MBD5: variants seen among roughly 807,000 people sequenced by gnomAD.
MBD5 encodes the protein methyl-CpG-binding domain protein 5.
A neutral mutation model predicts 117.3 loss-of-function variants in MBD5; 13 were observed. The observed-to-expected ratio is 0.11, with a 90% CI of 0.07 to 0.18. The LOEUF (loss-of-function observed/expected upper bound fraction) is 0.18, where lower values mean the gene tolerates loss of function less well. Ranked by LOEUF, MBD5 falls within the 10% of genes least tolerant of loss-of-function variation. The pLI, the probability that MBD5 is intolerant of heterozygous loss-of-function variation, is 1.00. For synonymous variants in MBD5, 727 were observed against 766.4 expected (o/e 0.95, Z 0.85); for missense variants, 1,879 against 2,093.8 (o/e 0.90, Z 2.00).
At chr2:148,413,169 A>G (rs1351166114) in intron 4 of MBD5, among the ~76,000 whole-genome samples, 1 of 152,088 alleles carries the variant, frequency 6.6e-6, no homozygotes, top group Non-Finnish European at 1.5e-5. Context: ...GTTTTTTAAC[A>G]TAAAAGATGT....
chr2:148,394,031 C>T (rs1704635448), intron 4 of MBD5, among the ~76,000 whole-genome samples: 1 of 152,162 alleles, frequency 6.6e-6, no homozygotes, highest in Admixed American at 6.5e-5. Context: ...GTACTTTTTA[C>T]TGCTTTATGT....
chr2:148,113,416 T>C (rs538342297), intron 1 of MBD5, among the ~76,000 whole-genome samples: 1 of 152,346 alleles, frequency 6.6e-6, no homozygotes, highest in African/African-American at 2.4e-5. Flanking sequence ...TTTTGGCATT[T>C]ACTGTTAACA....
At chr2:148,362,029 G>C (rs914406102) in intron 4 of MBD5, among the ~76,000 whole-genome samples, 9 of 152,270 alleles carry the variant, frequency 5.9e-5, no homozygotes, top group African/African-American at 2.2e-4. Context: ...ACACCACCAG[G>C]GCCCTGGGTT....
At chr2:148,208,850 A>G (rs1699348764) in intron 2 of MBD5, among the ~76,000 whole-genome samples, 1 of 152,154 alleles carries the variant, frequency 6.6e-6, no homozygotes, top group Non-Finnish European at 1.5e-5. Flanking sequence ...TATAAAATGA[A>G]TAGAAATAGT....
intron 2 of MBD5, among the ~76,000 whole-genome samples, chr2:148,228,341 G>C (rs1313543256): frequency 1.3e-5 from 2 of 152,066 alleles, no homozygotes; most frequent in Non-Finnish European, 2.9e-5. Flanking sequence ...ATTTTGTCAA[G>C]GGCCTTTTCT....
At chr2:148,065,790 G>A (rs137900042) in intron 1 of MBD5, among the ~76,000 whole-genome samples, 308 of 152,266 alleles carry the variant, frequency 2.0e-3, no homozygotes, top group African/African-American at 7.0e-3. Context: ...AGCCTTATGT[G>A]AACTTTCTTA....
intron 3 of MBD5, among the ~76,000 whole-genome samples, chr2:148,332,883 G>C (rs1423159131): frequency 6.6e-6 from 1 of 151,056 alleles, no homozygotes; most frequent in Non-Finnish European, 1.5e-5. Context: ...TTATTTTCTT[G>C]GTTCTCTCCT....
intron 1 of MBD5, among the ~76,000 whole-genome samples, chr2:148,045,375 T>A (rs528216908): frequency 3.9e-5 from 6 of 152,310 alleles, no homozygotes; most frequent in Non-Finnish European, 8.8e-5. Context: ...AACATTACTT[T>A]AAAATATAAC....
intron 1 of MBD5, among the ~76,000 whole-genome samples, chr2:148,109,249 T>TACCCTAGCCTGGGCAACAGAGTG (rs1696449496): frequency 6.6e-6 from 1 of 152,070 alleles, no homozygotes; most frequent in Non-Finnish European, 1.5e-5. Context: ...TGCACCGCTG[T>TACCCTAGCCTGGGCAACAGAGTG]ACCCTAGCCT....
chr2:148,441,866 G>A (rs1706335797), intron 4 of MBD5, among the ~76,000 whole-genome samples: 1 of 152,082 alleles, frequency 6.6e-6, no homozygotes, highest in Non-Finnish European at 1.5e-5. Flanking sequence ...GTGATGATGA[G>A]TATTTTTTCA....
intron 1 of MBD5, among the ~76,000 whole-genome samples, chr2:148,127,360 A>C (rs1223389332): frequency 6.6e-6 from 1 of 152,132 alleles, no homozygotes; most frequent in Non-Finnish European, 1.5e-5. Flanking sequence ...CCCAGCATCC[A>C]TTAGCTATTC....
intron 4 of MBD5, among the ~76,000 whole-genome samples, chr2:148,362,973 C>G (rs1046113699): frequency 2.0e-5 from 3 of 152,034 alleles, no homozygotes; most frequent in Non-Finnish European, 4.4e-5. Flanking sequence ...ATTCAGAGAC[C>G]CCATCTGAAG....
chr2:148,134,160 C>T (rs1697117346), intron 1 of MBD5, among the ~76,000 whole-genome samples: 3 of 151,820 alleles, frequency 2.0e-5, no homozygotes, highest in Admixed American at 6.6e-5. Context: ...TAATCATGCC[C>T]AGCTCTTATT....
intron 1 of MBD5, among the ~76,000 whole-genome samples, chr2:148,157,196 G>C (rs981250305): frequency 7.9e-5 from 12 of 151,806 alleles, no homozygotes; most frequent in Non-Finnish European, 1.5e-4. Context: ...GTGCAGGTTT[G>C]TTACATAGGT....
rs572383284 is a variant in MBD5 at position 148,223,111 on chromosome 2, A to G, written c.-830-10134A>G. On this transcript the variant is annotated intron_variant, in intron 2 of 13. Coordinates refer to ENST00000642680, the MANE Select transcript of MBD5 (RefSeq NM_001378120.1). Reference sequence around the variant, plus strand: ...TGAACCATCCTTGCATCCCAGGGATAAATCCCACCTGGTCATGATGAATAA... The same window carrying G: ...TGAACCATCCTTGCATCCCAGGGATGAATCCCACCTGGTCATGATGAATAA... Among the ~76,000 whole-genome samples, 11 of 152,296 alleles carry G rather than the reference A, an allele frequency of 7.2e-5. No homozygotes were observed. In the South Asian group the frequency reaches 2.3e-3, roughly 32 times the overall value.
chr2:148,092,713 A>G (rs912742257), intron 1 of MBD5, among the ~76,000 whole-genome samples: 2 of 152,210 alleles, frequency 1.3e-5, no homozygotes, highest in South Asian at 4.1e-4. Flanking sequence ...GGTACAGTAT[A>G]TACTGCTCAG....
chr2:148,512,739 C>T, intron 13 of MBD5, 131 bp from the exon 14 acceptor site: 2 of 803,544 alleles, frequency 2.5e-6, no homozygotes, highest in Non-Finnish European at 4.3e-6. Context: ...ATTTGAAGTG[C>T]CTCAGGATAT....
At chr2:148,144,433 C>G (rs1039964406) in intron 1 of MBD5, among the ~76,000 whole-genome samples, 1 of 152,180 alleles carries the variant, frequency 6.6e-6, no homozygotes, top group Non-Finnish European at 1.5e-5. Context: ...TTTTGCTCTG[C>G]AGAAGCTCTT....
chr2:148,364,552 G>A (rs919982357), intron 4 of MBD5, among the ~76,000 whole-genome samples: 6 of 152,078 alleles, frequency 3.9e-5, no homozygotes, highest in East Asian at 1.9e-4. Context: ...CTGGCAAATC[G>A]GACAAAGTGT....
Sources: gnomAD v4.1 joint callset for allele counts (sites outside exome capture counted in the v4.1 genomes callset) on GRCh38, gnomAD v4.1.1 for gene constraint, MANE v1.5 for transcripts, NCBI Gene and HGNC (gene_info 2026-07-23, HGNC 2026-07-21) for gene names.